Variants in SLC6A11 observed in about 807,000 individuals in gnomAD.
SLC6A11 encodes the protein sodium- and chloride-dependent GABA transporter 3.
A neutral mutation model predicts 74.8 loss-of-function variants in SLC6A11; 25 were observed. That is an observed-to-expected ratio of 0.33 (90% CI 0.24 to 0.47). SLC6A11 has a LOEUF of 0.47. Ranked by LOEUF, SLC6A11 falls within the 20% of genes least tolerant of loss-of-function variation. The pLI is 1.00. For missense variants in SLC6A11, 574 were observed against 837.0 expected, an observed-to-expected ratio of 0.69 and a Z score of 3.88; for synonymous variants, 330 against 330.2, an observed-to-expected ratio of 1.00 and a Z score of 0.01.
intron 5 of SLC6A11, among the ~76,000 whole-genome samples, chr3:10,857,927 A>C (rs569751353): frequency 2.0e-5 from 3 of 152,396 alleles, no homozygotes; most frequent in Non-Finnish European, 2.9e-5. Context: ...AGCACACAAG[A>C]AAACATAATG....
intron 9 of SLC6A11, among the ~76,000 whole-genome samples, chr3:10,928,488 T>C (rs1190658308): frequency 6.6e-6 from 1 of 152,102 alleles, no homozygotes; most frequent in African/African-American, 2.4e-5. Context: ...CTTAGGATAT[T>C]CAGGCTGGCT....
At chr3:10,919,651 C>T (rs1266018589) in intron 8 of SLC6A11, among the ~76,000 whole-genome samples, 2 of 152,198 alleles carry the variant, frequency 1.3e-5, no homozygotes, top group African/African-American at 2.4e-5. Flanking sequence ...TCATGTTTAT[C>T]AGAGATGCAA....
intron 4 of SLC6A11, among the ~76,000 whole-genome samples, chr3:10,843,801 T>G (rs889129106): frequency 6.6e-6 from 1 of 152,198 alleles, no homozygotes; most frequent in Non-Finnish European, 1.5e-5. Context: ...TGACACCTGT[T>G]GGCCAAACAA....
chr3:10,903,490 C>T (rs1695265722), intron 6 of SLC6A11, among the ~76,000 whole-genome samples: 1 of 152,220 alleles, frequency 6.6e-6, no homozygotes, highest in Non-Finnish European at 1.5e-5. Flanking sequence ...TGCTTGTTGT[C>T]TGTGTCTCCC....
rs3836460 is a variant in SLC6A11 at position 10,920,308 on chromosome 3, GA to G, written c.1120+1864del. 0.012 allele frequency among the ~76,000 whole-genome samples: 1,823 copies of G among 151,828 alleles called. 63 individuals carry two copies. The East Asian group carries it at 0.16, about 13-fold the overall frequency. On this transcript the variant is annotated intron_variant, in intron 8 of 13. Coordinates refer to ENST00000254488, the MANE Select transcript of SLC6A11 (RefSeq NM_014229.3). ...GAAAAACAGAGAAACATTAACAGAA[GA>G]AAAAAAAATTCAAATCCAACGCAAC...
At chr3:10,935,472 G>A in intron 13 of SLC6A11, 1 of 394,450 alleles carries the variant, frequency 2.5e-6, no homozygotes, top group Non-Finnish European at 4.6e-6. Flanking sequence ...GAGGCTGTGA[G>A]AACTCAGTGA....
intron 6 of SLC6A11, among the ~76,000 whole-genome samples, chr3:10,908,975 C>T (rs1695347983): frequency 1.3e-5 from 2 of 152,004 alleles, no homozygotes; most frequent in African/African-American, 4.8e-5. Flanking sequence ...AGGTCTGATC[C>T]AGGGAGTCAT....
At chr3:10,913,442 T>C (rs1695413160) in intron 7 of SLC6A11, among the ~76,000 whole-genome samples, 1 of 152,226 alleles carries the variant, frequency 6.6e-6, no homozygotes, top group South Asian at 2.1e-4. Flanking sequence ...TCTATACAGC[T>C]TAAATGGGTG....
rs531451643 is a variant in SLC6A11, at chr3:10,844,808, A to G, written c.756+462A>G. Among the ~76,000 whole-genome samples the G allele has an allele frequency of 1.2e-4, 18 of 152,288 alleles. No homozygotes were observed. In the South Asian group the frequency reaches 3.7e-3, roughly 32 times the overall value. On this transcript the variant is annotated intron_variant, in intron 5 of 13. Coordinates refer to ENST00000254488, the MANE Select transcript of SLC6A11 (RefSeq NM_014229.3). The stretch of plus-strand genomic sequence containing the variant: ...GTCTGGAGGGAAGAGCAGCTGCTTC[A>G]TCTTGCAGCCTTGCTGTGCCACCTG...
chr3:10,888,051 A>T (rs1695065573), intron 6 of SLC6A11, among the ~76,000 whole-genome samples: 1 of 152,352 alleles, frequency 6.6e-6, no homozygotes, highest in East Asian at 1.9e-4. Flanking sequence ...ATTTCAGAAG[A>T]TTACTCAGAT....
chr3:10,817,849 A>G (rs999495356), intron 1 of SLC6A11, among the ~76,000 whole-genome samples: 1 of 152,138 alleles, frequency 6.6e-6, no homozygotes, highest in African/African-American at 2.4e-5. Context: ...GGAGACCCCC[A>G]ACGTGCCCTG....
chr3:10,906,328 A>G (rs767264079), intron 6 of SLC6A11, among the ~76,000 whole-genome samples: 3 of 152,220 alleles, frequency 2.0e-5, no homozygotes, highest in African/African-American at 2.4e-5. Context: ...CAAAAACCCT[A>G]TGGACAGCAC....
intron 5 of SLC6A11, among the ~76,000 whole-genome samples, chr3:10,849,612 A>G (rs1694546935): frequency 6.6e-6 from 1 of 152,176 alleles, no homozygotes; most frequent in Admixed American, 6.5e-5. Flanking sequence ...TGCCCTTAGA[A>G]TTTCCCATTT....
At chr3:10,869,450 AC>A (rs1242516284) in intron 5 of SLC6A11, among the ~76,000 whole-genome samples, 6 of 152,252 alleles carry the variant, frequency 3.9e-5, no homozygotes, top group Non-Finnish European at 8.8e-5. Context: ...CAGGGCCCTG[AC>A]TTGGAGGAAT....
At chr3:10,822,390 G>C (rs115402505) in intron 3 of SLC6A11, among the ~76,000 whole-genome samples, 1 of 152,216 alleles carries the variant, frequency 6.6e-6, no homozygotes, top group African/African-American at 2.4e-5. Context: ...GGCAATACCC[G>C]TGGCAAAGTA....
chr3:10,929,427 G>T, intron 10 of SLC6A11, 88 bp downstream of exon 10: 2 of 1,431,114 alleles, frequency 1.4e-6, no homozygotes, highest in Non-Finnish European at 1.9e-6. Context: ...TGTGACCCGG[G>T]TCAGGTCTAG....
chr3:10,835,109 G>A (rs1575669971), intron 4 of SLC6A11, among the ~76,000 whole-genome samples: 1 of 152,204 alleles, frequency 6.6e-6, no homozygotes, highest in South Asian at 2.1e-4. Flanking sequence ...GTGGCTTCTT[G>A]CAATCCTTAA....
At chr3:10,821,288 G>C (rs1694134952) in intron 3 of SLC6A11, among the ~76,000 whole-genome samples, 1 of 152,210 alleles carries the variant, frequency 6.6e-6, no homozygotes. Context: ...ACTGAGGATA[G>C]TCAGGAGATT....
chr3:10,883,791 C>T (rs1482790481), intron 6 of SLC6A11, among the ~76,000 whole-genome samples: 1 of 152,036 alleles, frequency 6.6e-6, no homozygotes, highest in Non-Finnish European at 1.5e-5. Flanking sequence ...ATGTCCATAT[C>T]GACATCAACA....
Sources: allele counts gnomAD v4.1 joint callset (sites outside exome capture counted in the v4.1 genomes callset), GRCh38; gene constraint gnomAD v4.1.1; transcripts MANE v1.5; gene names NCBI Gene and HGNC (gene_info 2026-07-23, HGNC 2026-07-21).